Variants in ONECUT2 observed in about 807,000 individuals in gnomAD.
ONECUT2 encodes one cut homeobox 2, also known as one cut domain family member 2.
Under a neutral mutation model 27.9 loss-of-function variants are expected in ONECUT2, and 10 were observed. The observed-to-expected ratio is 0.36, with a 90% CI of 0.22 to 0.61. ONECUT2 has a LOEUF of 0.61. Among genes scored for constraint, ONECUT2 ranks in the 20% least tolerant of loss-of-function variants. The probability of loss-of-function intolerance (pLI) is 0.73; values close to 1 mark genes in which losing one functional copy is unlikely to be tolerated. For missense variants in ONECUT2, 686 were observed against 721.0 expected, an observed-to-expected ratio of 0.95 and a Z score of 0.56; for synonymous variants, 334 against 315.1, an observed-to-expected ratio of 1.06 and a Z score of -0.64.
intron 1 of ONECUT2, among the ~76,000 whole-genome samples, chr18:57,443,938 A>G (rs1000663926): frequency 7.2e-5 from 11 of 152,220 alleles, no homozygotes; most frequent in Non-Finnish European, 1.0e-4. Flanking sequence ...CACACCTCCA[A>G]TGTAATTTAA....
chr18:57,444,548 G>A lies in ONECUT2; in HGVS notation c.1228+7604G>A, dbSNP rs1274794859. 3 of 418,242 alleles carry A rather than the reference G, an allele frequency of 7.2e-6. No homozygotes were observed. The East Asian group carries it at 2.1e-4, about 30-fold the overall frequency. 25.9% of individuals were successfully genotyped at this position (418,242 alleles called of 1,614,324 possible). Reference sequence around the variant, plus strand: ...TACTGCGTCCTCCTGGAGCAAGCTTGGAGTCCCCACCCCCCAGGGTGAGGT... The same window carrying A: ...TACTGCGTCCTCCTGGAGCAAGCTTAGAGTCCCCACCCCCCAGGGTGAGGT... On this transcript the variant is annotated intron_variant, in intron 1 of 1. Coordinates refer to ENST00000491143, the MANE Select transcript of ONECUT2 (RefSeq NM_004852.3).
At chr18:57,443,447 G>C (rs1329548152) in intron 1 of ONECUT2, among the ~76,000 whole-genome samples, 1 of 152,198 alleles carries the variant, frequency 6.6e-6, no homozygotes, top group East Asian at 1.9e-4. Context: ...TAATGAGGAA[G>C]CCCTCTGGGG....
chr18:57,467,790 C>G (rs2050331991), intron 1 of ONECUT2, among the ~76,000 whole-genome samples: 1 of 152,238 alleles, frequency 6.6e-6, no homozygotes, highest in Admixed American at 6.5e-5. Flanking sequence ...AGGGCAGTGC[C>G]AAGCCTTCCC....
At position 57,457,866 on chromosome 18, in the gene ONECUT2, G is replaced by A. The variant is rs149197790; in HGVS notation, c.1229-18571G>A. ...AAACCATCATTCTCAGCCAACTATC[G>A]CAAGGACAGAAAAGCAAACGCTGCA... On this transcript the variant is annotated intron_variant, in intron 1 of 1. Coordinates refer to ENST00000491143, the MANE Select transcript of ONECUT2 (RefSeq NM_004852.3). Among the ~76,000 whole-genome samples the A allele has an allele frequency of 9.9e-5, 15 of 152,224 alleles. No individual in the cohort carries two copies. The East Asian group carries it at 1.4e-3, about 14-fold the overall frequency.
chr18:57,454,472 C>T (rs1031029706), intron 1 of ONECUT2, among the ~76,000 whole-genome samples: 2 of 151,922 alleles, frequency 1.3e-5, no homozygotes, highest in Non-Finnish European at 1.5e-5. Context: ...AGGCAGGGGA[C>T]GACTCTTGAA....
chr18:57,486,720 T>G lies in ONECUT2; in HGVS notation c.*9997T>G, dbSNP rs771373407. On this transcript the variant is annotated 3_prime_UTR_variant, in exon 2 of 2. Transcript: ENST00000491143. ...TGTTTTTTTCCCCCTTTGGATTTTATTTATGCTGGATTGGGGAAAGTTGCA... is the reference window on the plus strand; with the variant it reads ...TGTTTTTTTCCCCCTTTGGATTTTAGTTATGCTGGATTGGGGAAAGTTGCA... 7 of 152,644 alleles carry G rather than the reference T, an allele frequency of 4.6e-5. No homozygotes were observed. The allele number at this position is 152,644 out of a possible 1,614,324, so 9.5% of individuals were successfully genotyped here. A position where few individuals can be genotyped will look rare whatever the true frequency, so the allele number is the denominator to read the frequency against.
rs754468496 is a variant in ONECUT2, at chr18:57,480,697, T to C, written c.*3974T>C. 8.5e-5 allele frequency: 13 copies of C among 152,116 alleles called. No individual in the cohort carries two copies. The highest frequency in any genetic ancestry group is 1.9e-4 in the Non-Finnish European group (13 of 68,040). 9.4% of individuals were successfully genotyped at this position (152,116 alleles called of 1,614,324 possible). On this transcript the variant is annotated 3_prime_UTR_variant, in exon 2 of 2. Transcript: ENST00000491143. ...AAAATTATTTACATACATATATAAA[T>C]ATATATGTGTATCTATACAGTTATG...
chr18:57,465,479 T>G (rs950936611), intron 1 of ONECUT2, among the ~76,000 whole-genome samples: 2 of 152,264 alleles, frequency 1.3e-5, no homozygotes, highest in Non-Finnish European at 2.9e-5. Context: ...TTTGTCTTAC[T>G]ACTTTTTCAT....
intron 1 of ONECUT2, among the ~76,000 whole-genome samples, chr18:57,438,554 G>A (rs2050156982): frequency 6.6e-6 from 1 of 152,214 alleles, no homozygotes; most frequent in South Asian, 2.1e-4. Flanking sequence ...CAGGCAGCAG[G>A]TTCACCCGGG....
chr18:57,443,050 G>A (rs2050184322), intron 1 of ONECUT2, among the ~76,000 whole-genome samples: 1 of 152,188 alleles, frequency 6.6e-6, no homozygotes, highest in Non-Finnish European at 1.5e-5. Flanking sequence ...AGAGACCAGA[G>A]GAACAGGACT....
At chr18:57,443,112 T>C (rs1413869714) in intron 1 of ONECUT2, among the ~76,000 whole-genome samples, 1 of 152,186 alleles carries the variant, frequency 6.6e-6, no homozygotes, top group Non-Finnish European at 1.5e-5. Context: ...GGCTAGTGGC[T>C]GGATTTGGCA....
chr18:57,463,922 T>G (rs1267534918), intron 1 of ONECUT2, among the ~76,000 whole-genome samples: 1 of 152,108 alleles, frequency 6.6e-6, no homozygotes, highest in Non-Finnish European at 1.5e-5. Context: ...ACTGGCCACC[T>G]TACTGAACTT....
chr18:57,476,546 G>A lies in ONECUT2; in HGVS notation c.1338G>A (p.Lys446=). 5 of 1,614,220 alleles carry A rather than the reference G, an allele frequency of 3.1e-6. No individual in the cohort carries two copies. Among genetic ancestry groups the A allele is most frequent in the Non-Finnish European group, 4.2e-6 (5 of 1,180,038 alleles). The part of the protein sequence containing the change: ...LQRRTLFAIF[K]ENKRPSKEMQ... ...GCCGAACACTCTTCGCCATCTTCAA[G>A]GAGAACAAACGCCCGTCAAAGGAGA... is the stretch of plus-strand genomic sequence containing the variant. Residue 446 remains lysine (K), a synonymous_variant, in exon 2 of 2, where the codon AAG becomes AAA. Coordinates refer to ENST00000491143, the MANE Select transcript of ONECUT2 (RefSeq NM_004852.3).
intron 1 of ONECUT2, among the ~76,000 whole-genome samples, chr18:57,459,525 C>CTTTTAACTTTGA: frequency 6.6e-6 from 1 of 152,244 alleles, no homozygotes; most frequent in Non-Finnish European, 1.5e-5. Context: ...AATAAGGCTT[C>CTTTTAACTTTGA]TTTTAACTTT....
rs2050462110 is a variant in ONECUT2 at position 57,490,796 on chromosome 18, T to A, written c.*14073T>A. 6.6e-6 allele frequency: 1 copy of A among 152,538 alleles called. No homozygotes were observed. The highest frequency in any genetic ancestry group is 2.4e-5 in the African/African-American group (1 of 41,444). 9.4% of individuals were successfully genotyped at this position (152,538 alleles called of 1,614,324 possible). A position where few individuals can be genotyped will look rare whatever the true frequency, so the allele number is the denominator to read the frequency against. The stretch of plus-strand genomic sequence containing the variant: ...AAATCGTAGGGAAAAACTTTAAACT[T>A]TTCTTTTCAGTTGATCCCTTTGACA... On this transcript the variant is annotated 3_prime_UTR_variant, in exon 2 of 2. Transcript: ENST00000491143.
At chr18:57,475,730 T>C (rs184338248) in intron 1 of ONECUT2, among the ~76,000 whole-genome samples, 5 of 152,322 alleles carry the variant, frequency 3.3e-5, no homozygotes, top group South Asian at 2.1e-4. Flanking sequence ...TATTGTAACA[T>C]TGGGCTTCTT....
Position 57,472,143 on chromosome 18 carries a change from C to T in ONECUT2, c.1229-4294C>T, listed in dbSNP as rs1200308821. Reference sequence around the variant, plus strand: ...TGAATCCATCAATGCCACTGGAACACCTGCTGTTTCGTTGGGTTTCTATCG... The same window carrying T: ...TGAATCCATCAATGCCACTGGAACATCTGCTGTTTCGTTGGGTTTCTATCG... On this transcript the variant is annotated intron_variant, in intron 1 of 1. Coordinates refer to ENST00000491143, the MANE Select transcript of ONECUT2 (RefSeq NM_004852.3). 3.9e-5 allele frequency among the ~76,000 whole-genome samples: 6 copies of T among 152,348 alleles called. 1 individual carries two copies. The South Asian group carries it at 1.2e-3, about 32-fold the overall frequency.
At position 57,478,056 on chromosome 18, in the gene ONECUT2, A is replaced by G. The variant is rs1318622731; in HGVS notation, c.*1333A>G. 2 of 152,664 alleles carry G rather than the reference A, an allele frequency of 1.3e-5. No individual in the cohort carries two copies. The highest frequency in any genetic ancestry group is 2.9e-5 in the Non-Finnish European group (2 of 68,038). 9.5% of individuals were successfully genotyped at this position (152,664 alleles called of 1,614,324 possible). A position where few individuals can be genotyped will look rare whatever the true frequency, so the allele number is the denominator to read the frequency against. On this transcript the variant is annotated 3_prime_UTR_variant, in exon 2 of 2. Coordinates refer to ENST00000491143, the MANE Select transcript of ONECUT2 (RefSeq NM_004852.3). Reference sequence around the variant, plus strand: ...TATGACTTGTCATTTTCTAGCCTAAAAATACTGTGATTACTTTTAGAAATC... The same window carrying G: ...TATGACTTGTCATTTTCTAGCCTAAGAATACTGTGATTACTTTTAGAAATC...
In ONECUT2 at chr18:57,489,853, A is replaced by G. The variant is rs2050456273; in HGVS notation, c.*13130A>G. The G allele has an allele frequency of 6.6e-6, 1 of 152,210 alleles. No individual in the cohort carries two copies. The highest frequency in any genetic ancestry group is 1.5e-5 in the Non-Finnish European group (1 of 68,036). 9.4% of individuals were successfully genotyped at this position (152,210 alleles called of 1,614,324 possible). On this transcript the variant is annotated 3_prime_UTR_variant, in exon 2 of 2. Coordinates refer to ENST00000491143, the MANE Select transcript of ONECUT2 (RefSeq NM_004852.3). ...TCTGAAACAAAAACACAAGCTCCACATTGATAACTTGATAAATAACCACTA... is the reference window on the plus strand; with the variant it reads ...TCTGAAACAAAAACACAAGCTCCACGTTGATAACTTGATAAATAACCACTA...
Sources: gnomAD v4.1 joint callset for allele counts (sites outside exome capture counted in the v4.1 genomes callset) on GRCh38, gnomAD v4.1.1 for gene constraint, MANE v1.5 for transcripts, NCBI Gene and HGNC (gene_info 2026-07-23, HGNC 2026-07-21) for gene names.